The following ABHD6 variants were observed in gnomAD, a reference collection of about 807,000 sequenced individuals.
ABHD6 encodes abhydrolase domain containing 6, acylglycerol lipase.
Under a neutral mutation model 38.8 loss-of-function variants are expected in ABHD6, and 33 were observed. The observed-to-expected ratio is 0.85, with a 90% CI of 0.64 to 1.14. The LOEUF is 1.14. ABHD6 is among the 50% of genes most tolerant of loss of function. The probability of loss-of-function intolerance (pLI) is 0.00; values close to 1 mark genes in which losing one functional copy is unlikely to be tolerated. For synonymous variants in ABHD6, 147 were observed against 161.6 expected (o/e 0.91, Z 0.69); for missense variants, 380 against 422.6 (o/e 0.90, Z 0.88).
chr3:58,292,605 G>A (rs1475388194), intron 9 of ABHD6, among the ~76,000 whole-genome samples: 1 of 152,068 alleles, frequency 6.6e-6, no homozygotes, highest in Non-Finnish European at 1.5e-5. Context: ...CAGCTCTGGG[G>A]ATCCCCAGAG....
intron 7 of ABHD6, among the ~76,000 whole-genome samples, chr3:58,277,365 C>T (rs2097449519): frequency 6.6e-6 from 1 of 152,112 alleles, no homozygotes; most frequent in Non-Finnish European, 1.5e-5. Flanking sequence ...GTATTTTATT[C>T]TCTTTGTAGC....
At chr3:58,290,047 T>C (rs1428385219) in intron 9 of ABHD6, among the ~76,000 whole-genome samples, 7 of 63,282 alleles carry the variant, frequency 1.1e-4, no homozygotes, top group Non-Finnish European at 1.5e-4. Flanking sequence ...GGGGCTGACA[T>C]CCCCACCTCC....
rs1055036010 is a variant in ABHD6, at chr3:58,293,331, G to T, written c.838-258G>T. Among the ~76,000 whole-genome samples the T allele has an allele frequency of 3.9e-5, 6 of 152,168 alleles. No homozygotes were observed. Among genetic ancestry groups the T allele is most frequent in the African/African-American group, 1.4e-4 (6 of 41,424 alleles). ...CATACCATAACCTCCTCAAGGGCAA[G>T]GAACGTTTGTTTTCTACCTCAGTAT... is the stretch of plus-strand genomic sequence containing the variant. On this transcript the variant is annotated intron_variant, in intron 9 of 9. Transcript: ENST00000478253. The surrounding 1 kb of genome is among the most constrained non-coding windows in gnomAD (Gnocchi z 4.4).
rs2097433657 is a variant in ABHD6 at position 58,256,752 on chromosome 3, ACAT to A, written c.119+49_119+51del. On this transcript the variant is annotated intron_variant, in intron 3 of 9. Coordinates refer to ENST00000478253, the MANE Select transcript of ABHD6 (RefSeq NM_001320126.2). The surrounding 1 kb of genome is among the most constrained non-coding windows in gnomAD (Gnocchi z 4.3). ...TGTTTTCAAGAGTATCATAATATTGACATCTTCTCTGCTTGTCCTTTTTGTGGT... is the reference window on the plus strand; with the variant it reads ...TGTTTTCAAGAGTATCATAATATTGACTTCTCTGCTTGTCCTTTTTGTGGT... 4 of 1,389,258 alleles carry A rather than the reference ACAT, an allele frequency of 2.9e-6. No individual in the cohort carries two copies. The highest frequency in any genetic ancestry group is 2.0e-6 in the Non-Finnish European group (2 of 984,118). 86.1% of individuals were successfully genotyped at this position (1,389,258 alleles called of 1,614,324 possible).
At chr3:58,289,969 G>A (rs550942780) in intron 9 of ABHD6, among the ~76,000 whole-genome samples, 1 of 140,540 alleles carries the variant, frequency 7.1e-6, no homozygotes, top group Admixed American at 6.9e-5. Flanking sequence ...CCTCCCGGAC[G>A]AGGCGGCTGG....
rs373865050 is a variant in ABHD6, at chr3:58,287,462, A to AT, written c.837+2010dup. Among the ~76,000 whole-genome samples the AT allele has an allele frequency of 1.2e-3, 181 of 151,906 alleles. No individual in the cohort carries two copies. Among genetic ancestry groups the AT allele is most frequent in the African/African-American group, 4.2e-3 (175 of 41,422 alleles). ...GCTGTGCCCATGGCGTGTACGCAGA[A>AT]TAAGAGGCAATGGTGTCTTAGATGA... On this transcript the variant is annotated intron_variant, in intron 9 of 9. Transcript: ENST00000478253. The surrounding 1 kb of genome is among the most constrained non-coding windows in gnomAD (Gnocchi z 4.7).
At position 58,261,673 on chromosome 3, in the gene ABHD6, A is replaced by G. The variant is rs370853200; in HGVS notation, c.119+4968A>G. Reference sequence around the variant, plus strand: ...TGGTTCTTTCTTTTTATTGTGGTAAAATATACATAACTTTAAAAAATGGAA... The same window carrying G: ...TGGTTCTTTCTTTTTATTGTGGTAAGATATACATAACTTTAAAAAATGGAA... On this transcript the variant is annotated intron_variant, in intron 3 of 9. Transcript: ENST00000478253. Among the ~76,000 whole-genome samples the G allele has an allele frequency of 1.2e-4, 19 of 152,268 alleles. No homozygotes were observed. The East Asian group carries it at 3.5e-3, about 28-fold the overall frequency.
intron 7 of ABHD6, among the ~76,000 whole-genome samples, chr3:58,278,035 A>G (rs1157042587): frequency 6.6e-6 from 1 of 152,178 alleles, no homozygotes; most frequent in African/African-American, 2.4e-5. Flanking sequence ...TTTCACATCG[A>G]TGTTCATCTG....
At position 58,257,264 on chromosome 3, in the gene ABHD6, T is replaced by A. The variant is rs1310858177; in HGVS notation, c.119+559T>A. Among the ~76,000 whole-genome samples the A allele has an allele frequency of 1.3e-5, 2 of 152,136 alleles. No homozygotes were observed. Among genetic ancestry groups the A allele is most frequent in the African/African-American group, 4.8e-5 (2 of 41,426 alleles). ...CACATTCCCAAAGTCAGTGATTCTGTCTTCAAGCAAGAATTGTACATTTTT... is the reference window on the plus strand; with the variant it reads ...CACATTCCCAAAGTCAGTGATTCTGACTTCAAGCAAGAATTGTACATTTTT... On this transcript the variant is annotated intron_variant, in intron 3 of 9. Coordinates refer to ENST00000478253, the MANE Select transcript of ABHD6 (RefSeq NM_001320126.2). The surrounding 1 kb of genome is among the most constrained non-coding windows in gnomAD (Gnocchi z 4.8).
Position 58,256,576 on chromosome 3 carries a change from G to A in ABHD6, c.-11G>A. 1 of 1,609,314 alleles carries A rather than the reference G, an allele frequency of 6.2e-7. No individual in the cohort carries two copies. The highest frequency in any genetic ancestry group is 8.5e-7 in the Non-Finnish European group (1 of 1,176,548). Reference sequence around the variant, plus strand: ...GGCCCCTGCAGGAGTCAGCCAGCCTGAAAGAGCAGGATGGATCTTGATGTG... The same window carrying A: ...GGCCCCTGCAGGAGTCAGCCAGCCTAAAAGAGCAGGATGGATCTTGATGTG... On this transcript the variant is annotated 5_prime_UTR_variant, in exon 3 of 10. Coordinates refer to ENST00000478253, the MANE Select transcript of ABHD6 (RefSeq NM_001320126.2). The surrounding 1 kb of genome is among the most constrained non-coding windows in gnomAD (Gnocchi z 4.3).
At chr3:58,292,217 C>T (rs1262313479) in intron 9 of ABHD6, among the ~76,000 whole-genome samples, 1 of 152,194 alleles carries the variant, frequency 6.6e-6, no homozygotes, top group Non-Finnish European at 1.5e-5. Flanking sequence ...TTGACTGAGG[C>T]ATCGTCTTAC....
At position 58,269,239 on chromosome 3, in the gene ABHD6, G is replaced by A; in HGVS notation, c.277-82G>A. 2 of 1,023,382 alleles carry A rather than the reference G, an allele frequency of 2.0e-6. No individual in the cohort carries two copies. The highest frequency in any genetic ancestry group is 2.8e-5 in the South Asian group (2 of 72,026). 63.4% of individuals were successfully genotyped at this position (1,023,382 alleles called of 1,614,324 possible). A position where few individuals can be genotyped will look rare whatever the true frequency, so the allele number is the denominator to read the frequency against. ...CCCAGGGATGGCTGTCTGGGTCACT[G>A]TACATGGGGCAACCTCCCAAGAAAA... is the stretch of plus-strand genomic sequence containing the variant. On this transcript the variant is annotated intron_variant, in intron 4 of 9. Transcript: ENST00000478253. This position sits in a 1 kb window ranked among gnomAD's most constrained non-coding sequence, Gnocchi z 4.4.
In ABHD6 at chr3:58,265,119, T is replaced by C. The variant is rs1460617150; in HGVS notation, c.120-2070T>C. ...CCATGAGTTGCATTGTTTTGATTTT[T>C]AGATCCCATAAATAAGTGAGAGCAT... On this transcript the variant is annotated intron_variant, in intron 3 of 9. Coordinates refer to ENST00000478253, the MANE Select transcript of ABHD6 (RefSeq NM_001320126.2). This position sits in a 1 kb window ranked among gnomAD's most constrained non-coding sequence, Gnocchi z 4.2. Among the ~76,000 whole-genome samples, 1 of 152,224 alleles carries C rather than the reference T, an allele frequency of 6.6e-6. No individual in the cohort carries two copies. Among genetic ancestry groups the C allele is most frequent in the Non-Finnish European group, 1.5e-5 (1 of 68,044 alleles).
intron 7 of ABHD6, 71 bp downstream of exon 7, chr3:58,274,886 G>A (rs2097447731): frequency 7.9e-6 from 12 of 1,527,624 alleles, no homozygotes; most frequent in African/African-American, 4.1e-5. Flanking sequence ...CTTCCTGCAC[G>A]TATTCCCTCC....
intron 7 of ABHD6, among the ~76,000 whole-genome samples, chr3:58,275,330 CT>C (rs34839470): frequency 1.8e-3 from 239 of 133,172 alleles, no homozygotes; most frequent in South Asian, 4.5e-3. Context: ...CCCTTATACT[CT>C]TTTTTTTTTT....
rs184950390 is a variant in ABHD6, at chr3:58,256,778, G to A, written c.119+73G>A. 1.4e-4 allele frequency: 169 copies of A among 1,219,836 alleles called. No homozygotes were observed. In the African/African-American group the frequency reaches 2.5e-3, roughly 18 times the overall value. 75.6% of individuals were successfully genotyped at this position (1,219,836 alleles called of 1,614,324 possible). On this transcript the variant is annotated intron_variant, in intron 3 of 9. Transcript: ENST00000478253. This position sits in a 1 kb window ranked among gnomAD's most constrained non-coding sequence, Gnocchi z 4.3. Reference sequence around the variant, plus strand: ...CATCTTCTCTGCTTGTCCTTTTTGTGGTTATTGTCCAACATTTTATCAGGA... The same window carrying A: ...CATCTTCTCTGCTTGTCCTTTTTGTAGTTATTGTCCAACATTTTATCAGGA...
intron 1 of ABHD6, among the ~76,000 whole-genome samples, chr3:58,243,736 C>T (rs1373284289): frequency 1.3e-5 from 2 of 152,002 alleles, no homozygotes; most frequent in African/African-American, 4.8e-5. Context: ...ACTTGGCTCA[C>T]TGCAGCCTCT....
chr3:58,288,297 C>T (rs2097458936), intron 9 of ABHD6, among the ~76,000 whole-genome samples: 1 of 152,198 alleles, frequency 6.6e-6, no homozygotes, highest in South Asian at 2.1e-4. Flanking sequence ...AGGCTGACTG[C>T]TATACTGCAC....
At position 58,294,259 on chromosome 3, in the gene ABHD6, G is replaced by A. The variant is rs933680845; in HGVS notation, c.*494G>A. On this transcript the variant is annotated 3_prime_UTR_variant, in exon 10 of 10. Coordinates refer to ENST00000478253, the MANE Select transcript of ABHD6 (RefSeq NM_001320126.2). ...ACATAGAGACCCATGTATGACTGCA[G>A]CCCATTGGCTGCAAGACCAGGGAGG... 3 of 153,114 alleles carry A rather than the reference G, an allele frequency of 2.0e-5. No individual in the cohort carries two copies. The highest frequency in any genetic ancestry group is 7.2e-5 in the African/African-American group (3 of 41,434). The allele number at this position is 153,114 out of a possible 1,614,324, so 9.5% of individuals were successfully genotyped here.
Sources: allele counts gnomAD v4.1 joint callset (sites outside exome capture counted in the v4.1 genomes callset), GRCh38; gene constraint gnomAD v4.1.1; non-coding constraint Gnocchi (gnomAD v3.1); transcripts MANE v1.5; gene names NCBI Gene and HGNC (gene_info 2026-07-23, HGNC 2026-07-21).